Variants in FSTL4 observed in about 807,000 individuals in gnomAD.
The protein encoded by FSTL4 is follistatin-related protein 4.
A neutral mutation model predicts 78.2 loss-of-function variants in FSTL4; 28 were observed. The observed-to-expected ratio is 0.36, with a 90% CI of 0.27 to 0.49. The LOEUF is 0.49. FSTL4 is among the 20% of genes least tolerant of loss of function. The pLI is 0.98. For synonymous variants in FSTL4, 422 were observed against 440.5 expected (o/e 0.96, Z 0.53); for missense variants, 922 against 1,084.9 (o/e 0.85, Z 2.11).
At chr5:133,441,428 G>T (rs1047410850) in intron 3 of FSTL4, among the ~76,000 whole-genome samples, 3 of 152,162 alleles carry the variant, frequency 2.0e-5, no homozygotes, top group Non-Finnish European at 4.4e-5. Context: ...AACAATGAGA[G>T]CACTGCCAGT....
chr5:133,240,416 C>T (rs1268491490), intron 7 of FSTL4, among the ~76,000 whole-genome samples: 1 of 152,202 alleles, frequency 6.6e-6, no homozygotes, highest in Admixed American at 6.5e-5. Flanking sequence ...GTCTGAGCCC[C>T]CTGGAAGAGG....
intron 3 of FSTL4, among the ~76,000 whole-genome samples, chr5:133,512,167 C>T (rs561046424): frequency 1.3e-5 from 2 of 152,268 alleles, no homozygotes; most frequent in East Asian, 3.9e-4. Context: ...ATCACCCTGC[C>T]TCGCCACAGC....
the FSTL4 span, among the ~76,000 whole-genome samples, chr5:133,785,291 A>G: frequency 5.0e-3 from 755 of 152,334 alleles, 6 homozygotes; most frequent in African/African-American, 0.017. Context: ...GACCAACTCC[A>G]GATAGAAACA....
intron 3 of FSTL4, among the ~76,000 whole-genome samples, chr5:133,432,525 G>C (rs377562685): frequency 6.6e-6 from 1 of 152,202 alleles, no homozygotes; most frequent in Non-Finnish European, 1.5e-5. Context: ...GCTGCTATGA[G>C]ACTTGAGCCA....
intron 3 of FSTL4, among the ~76,000 whole-genome samples, chr5:133,425,826 G>C (rs77038607): frequency 0.064 from 9,776 of 152,298 alleles, 647 homozygotes; most frequent in African/African-American, 0.17. Context: ...GTCAAGTGTA[G>C]CCGTGTGGTT....
chr5:133,712,907 T>A, the FSTL4 span, among the ~76,000 whole-genome samples: 1 of 152,204 alleles, frequency 6.6e-6, no homozygotes, highest in East Asian at 1.9e-4. Context: ...CTTGTAGCCA[T>A]CCTACTTCTT....
chr5:133,829,994 GAC>G, the FSTL4 span, among the ~76,000 whole-genome samples: 2 of 152,136 alleles, frequency 1.3e-5, no homozygotes, highest in Non-Finnish European at 2.9e-5. Context: ...TCCCCCCGGT[GAC>G]AGCCAAGGTT....
the FSTL4 span, among the ~76,000 whole-genome samples, chr5:133,693,828 A>C: frequency 6.6e-6 from 1 of 152,142 alleles, no homozygotes; most frequent in South Asian, 2.1e-4. Context: ...GAAGGAGAAG[A>C]GTTTCCCAAC....
At chr5:133,347,998 A>G (rs758115680) in intron 4 of FSTL4, among the ~76,000 whole-genome samples, 1 of 152,138 alleles carries the variant, frequency 6.6e-6, no homozygotes, top group African/African-American at 2.4e-5. Context: ...CCAAAGCCAT[A>G]GTTTGGTGAG....
At chr5:133,650,683 CTATGGCT>C in the FSTL4 span, among the ~76,000 whole-genome samples, 1 of 152,180 alleles carries the variant, frequency 6.6e-6, no homozygotes, top group African/African-American at 2.4e-5. Flanking sequence ...GTCTTGATTA[CTATGGCT>C]TTATAGTAAG....
At chr5:133,476,885 G>A (rs2112854215) in intron 3 of FSTL4, among the ~76,000 whole-genome samples, 1 of 152,268 alleles carries the variant, frequency 6.6e-6, no homozygotes, top group Non-Finnish European at 1.5e-5. Context: ...ACCTGAAGAA[G>A]GATCAAGCCA....
At chr5:133,285,015 A>C (rs1561656781) in intron 6 of FSTL4, among the ~76,000 whole-genome samples, 1 of 152,190 alleles carries the variant, frequency 6.6e-6, no homozygotes, top group East Asian at 1.9e-4. Context: ...AAGGCTCTGG[A>C]GTAAGTGGGC....
At chr5:133,327,496 G>A (rs1453568425) in intron 4 of FSTL4, among the ~76,000 whole-genome samples, 1 of 152,192 alleles carries the variant, frequency 6.6e-6, no homozygotes, top group South Asian at 2.1e-4. Context: ...GGGCCTGGAA[G>A]GGAAAACTAC....
At chr5:133,521,353 G>A (rs1023568654) in intron 3 of FSTL4, among the ~76,000 whole-genome samples, 26 of 152,186 alleles carry the variant, frequency 1.7e-4, no homozygotes, top group African/African-American at 6.3e-4. Flanking sequence ...CAATAATATG[G>A]AACCAGTGAT....
chr5:133,306,770 A>C (rs1451251873), intron 6 of FSTL4, among the ~76,000 whole-genome samples: 1 of 152,140 alleles, frequency 6.6e-6, no homozygotes, highest in Non-Finnish European at 1.5e-5. Context: ...ACTCTGACCA[A>C]GGCCTTCCTG....
At chr5:133,317,400 G>T (rs561039384) in intron 4 of FSTL4, among the ~76,000 whole-genome samples, 20 of 152,308 alleles carry the variant, frequency 1.3e-4, no homozygotes, top group Admixed American at 1.3e-3. Context: ...CACTGGGATT[G>T]CAGGAGTGTC....
intron 3 of FSTL4, among the ~76,000 whole-genome samples, chr5:133,558,134 T>C (rs1326376006): frequency 6.6e-6 from 1 of 152,206 alleles, no homozygotes; most frequent in African/African-American, 2.4e-5. Flanking sequence ...GACTCATCTA[T>C]AAGGGCAGGG....
intron 2 of FSTL4, among the ~76,000 whole-genome samples, chr5:133,578,877 G>C (rs913702723): frequency 2.0e-4 from 31 of 152,158 alleles, no homozygotes; most frequent in Admixed American, 6.5e-5. Context: ...GGCAAGAGGG[G>C]AATTTTCCAG....
intron 3 of FSTL4, among the ~76,000 whole-genome samples, chr5:133,532,979 C>T (rs775522975): frequency 6.6e-6 from 1 of 152,186 alleles, no homozygotes; most frequent in African/African-American, 2.4e-5. Context: ...ACCCCAGAGA[C>T]CCTGTCTCAG....
Sources: allele counts gnomAD v4.1 joint callset (sites outside exome capture counted in the v4.1 genomes callset), GRCh38; gene constraint gnomAD v4.1.1; transcripts MANE v1.5; gene names NCBI Gene and HGNC (gene_info 2026-07-23, HGNC 2026-07-21).